Variants in RYR1 observed in about 807,000 individuals in gnomAD.
RYR1 encodes ryanodine receptor 1.
In RYR1, 342 loss-of-function variants were observed where a neutral mutation model predicts 583.5. The ratio of observed to expected loss-of-function variants is 0.59; its 90% CI spans 0.54 to 0.64. The LOEUF (loss-of-function observed/expected upper bound fraction) is 0.64. RYR1 is among the 30% of genes least tolerant of loss of function. RYR1 has a pLI of 0.00. For missense variants in RYR1, 6,032 were observed against 6,917.2 expected (o/e 0.87, Z 4.54); for synonymous variants, 2,791 against 2,822.5 (o/e 0.99, Z 0.35).
intron 66 of RYR1, 79 bp from the exon 67 acceptor site, chr19:38,519,135 T>G (rs1349825128): frequency 1.9e-6 from 3 of 1,610,440 alleles, no homozygotes; most frequent in African/African-American, 2.7e-5. Flanking sequence ...AGATGCTGTT[T>G]GGGAGTCGGG....
chr19:38,565,663 G>A lies in RYR1; in HGVS notation c.13329G>A (p.Gly4443=), dbSNP rs1013631358. 1.1e-5 allele frequency: 15 copies of A among 1,391,282 alleles called. No homozygotes were observed. Among genetic ancestry groups the A allele is most frequent in the Admixed American group, 3.6e-5 (1 of 27,792 alleles). The allele number at this position is 1,391,282 out of a possible 1,614,324, so 86.2% of individuals were successfully genotyped here. A position where few individuals can be genotyped will look rare whatever the true frequency, so the allele number is the denominator to read the frequency against. The change falls in exon 91 of 106, where the codon GGG becomes GGA. Residue 4443 remains glycine, a synonymous_variant. Transcript: ENST00000359596. The surrounding 1 kb of genome is among the most constrained non-coding windows in gnomAD (Gnocchi z 4.7). ...GADGAVAVTD[G]GPFRPEGAGG... Reference sequence around the variant, plus strand: ...ACGGGGCGGTGGCCGTGACCGATGGGGGCCCCTTCCGGCCCGAAGGGGCTG... The same window carrying A: ...ACGGGGCGGTGGCCGTGACCGATGGAGGCCCCTTCCGGCCCGAAGGGGCTG...
In RYR1 at chr19:38,585,102, C is replaced by T. The variant is rs1202804699; in HGVS notation, c.14803+3C>T. The T allele has an allele frequency of 4.3e-6, 7 of 1,613,554 alleles. No individual in the cohort carries two copies. The Admixed American group carries it at 1.2e-4, about 27-fold the overall frequency. On this transcript the variant is annotated splice_donor_region_variant and intron_variant, in intron 102 of 105. Coordinates refer to ENST00000359596, the MANE Select transcript of RYR1 (RefSeq NM_000540.3). Reference sequence around the variant, plus strand: ...CATCCTGTTGGCCATCATCCAGGGTCAGTGCTGGGAGTGGGCGCTCAGGGC... The same window carrying T: ...CATCCTGTTGGCCATCATCCAGGGTTAGTGCTGGGAGTGGGCGCTCAGGGC...
chr19:38,451,160 G>T (rs2145371260), intron 11 of RYR1, among the ~76,000 whole-genome samples: 1 of 152,368 alleles, frequency 6.6e-6, no homozygotes, highest in Middle Eastern at 3.4e-3. Flanking sequence ...GCACTCGTTT[G>T]CAAAAACAGG....
chr19:38,435,124 C>T (rs1305248603), intron 1 of RYR1, among the ~76,000 whole-genome samples: 2 of 152,234 alleles, frequency 1.3e-5, no homozygotes, highest in Non-Finnish European at 2.9e-5. Flanking sequence ...GTGCCCTGGG[C>T]CTCTGCCTCC....
Position 38,567,769 on chromosome 19 carries a change from G to A in RYR1, c.13515-4G>A. ...TCCTGACCTCTCTCTGTCCTGCCCT[G>A]CAGTGCCGAGAATGGGGAGAAGGAA... is the stretch of plus-strand genomic sequence containing the variant. On this transcript the variant is annotated splice_polypyrimidine_tract_variant and splice_region_variant and intron_variant, in intron 92 of 105. Transcript: ENST00000359596. The A allele has an allele frequency of 6.2e-7, 1 of 1,614,120 alleles. No individual in the cohort carries two copies. The highest frequency in any genetic ancestry group is 1.3e-5 in the African/African-American group (1 of 75,032).
chr19:38,508,920 A>C (rs1970601473), intron 58 of RYR1, among the ~76,000 whole-genome samples: 1 of 152,156 alleles, frequency 6.6e-6, no homozygotes, highest in Admixed American at 6.5e-5. Context: ...GGAGCCGAAA[A>C]GGGTGAGAAC....
intron 36 of RYR1, 98 bp downstream of exon 36, chr19:38,490,374 T>C: frequency 8.2e-7 from 1 of 1,217,242 alleles, no homozygotes; most frequent in Non-Finnish European, 1.2e-6. Flanking sequence ...TCTAAACCCG[T>C]GCTTGACCCC....
At chr19:38,511,521 C>T (rs369272141) in intron 60 of RYR1, 40 bp from the exon 61 acceptor site, 7 of 1,610,838 alleles carry the variant, frequency 4.3e-6, no homozygotes, top group African/African-American at 2.7e-5. Context: ...CCTCCTCACT[C>T]GCTGTTTCTC....
chr19:38,559,807 G>A (rs770711929), intron 89 of RYR1, among the ~76,000 whole-genome samples: 4 of 152,120 alleles, frequency 2.6e-5, no homozygotes, highest in Non-Finnish European at 4.4e-5. Flanking sequence ...GTTGCTACCC[G>A]TCTGGAGGTA....
intron 81 of RYR1, 51 bp downstream of exon 81, chr19:38,535,443 A>C: frequency 7.5e-7 from 1 of 1,338,640 alleles, no homozygotes; most frequent in Non-Finnish European, 1.1e-6. Context: ...TGCCACTGCC[A>C]CCCCACTCCT....
intron 39 of RYR1, among the ~76,000 whole-genome samples, chr19:38,495,844 C>G (rs1207116145): frequency 2.0e-5 from 3 of 152,134 alleles, no homozygotes; most frequent in Non-Finnish European, 2.9e-5. Context: ...CTCACTGCAA[C>G]CTCCGCATAC....
rs1969990012 is a variant in RYR1 at position 38,499,331 on chromosome 19, A to G, written c.7027+88A>G. The G allele has an allele frequency of 1.3e-6, 2 of 1,590,740 alleles. No individual in the cohort carries two copies. The highest frequency in any genetic ancestry group is 1.3e-5 in the African/African-American group (1 of 74,478). Reference sequence around the variant, plus strand: ...GAGATGACTGCTCGCACCCTGAGCCACAGATGGGGTCCAGGCAGGAATCCC... The same window carrying G: ...GAGATGACTGCTCGCACCCTGAGCCGCAGATGGGGTCCAGGCAGGAATCCC... On this transcript the variant is annotated intron_variant, in intron 43 of 105. Transcript: ENST00000359596. The surrounding 1 kb of genome is among the most constrained non-coding windows in gnomAD (Gnocchi z 7.3).
At position 38,481,153 on chromosome 19, in the gene RYR1, G is replaced by T. The variant is rs185025995; in HGVS notation, c.4621-1874G>T. On this transcript the variant is annotated intron_variant, in intron 31 of 105. Transcript: ENST00000359596. ...ATTTATTTTAATTTATTAAGACAGG[G>T]TCTCATTCTGTCACCCAGGCTGGTG... Among the ~76,000 whole-genome samples the T allele has an allele frequency of 8.4e-3, 1,282 of 152,162 alleles. 16 individuals are homozygous for T. Among genetic ancestry groups the T allele is most frequent in the Non-Finnish European group, 0.015 (1,035 of 68,000 alleles).
intron 76 of RYR1, among the ~76,000 whole-genome samples, chr19:38,530,876 C>G (rs575588193): frequency 3.3e-5 from 5 of 151,980 alleles, no homozygotes; most frequent in African/African-American, 1.2e-4. Context: ...AATCTCGGCT[C>G]GCTGCAATCT....
chr19:38,573,934 C>A (rs1310331792), intron 96 of RYR1, among the ~76,000 whole-genome samples: 2 of 151,878 alleles, frequency 1.3e-5, no homozygotes, highest in Non-Finnish European at 2.9e-5. Flanking sequence ...TACTCAGGTG[C>A]AATGAGTGCA....
chr19:38,501,757 G>A (rs1970131959), intron 47 of RYR1, among the ~76,000 whole-genome samples: 1 of 152,300 alleles, frequency 6.6e-6, no homozygotes, highest in African/African-American at 2.4e-5. Context: ...GCCGAGGCGG[G>A]TGGGTTGCTT....
intron 25 of RYR1, 75 bp from the exon 26 acceptor site, chr19:38,468,891 T>G (rs1423217110): frequency 2.7e-6 from 4 of 1,494,006 alleles, no homozygotes; most frequent in Non-Finnish European, 3.7e-6. Flanking sequence ...CATATATCTC[T>G]CCCTCCCTGC....
intron 39 of RYR1, 53 bp downstream of exon 39, chr19:38,494,678 C>T: frequency 6.2e-7 from 1 of 1,602,418 alleles, no homozygotes; most frequent in Non-Finnish European, 8.5e-7. Context: ...GTAATGAATA[C>T]CCTCAGGATA....
chr19:38,448,374 C>T lies in RYR1; in HGVS notation c.820C>T (p.Arg274Cys), dbSNP rs770370125. The change falls in exon 10 of 106, where the codon CGC becomes TGC. Residue 274 changes from arginine (R) to cysteine (C), a missense_variant. By Grantham distance (180) the Arg-to-Cys change is radical (BLOSUM62 -3). Coordinates refer to ENST00000359596, the MANE Select transcript of RYR1 (RefSeq NM_000540.3). ...LRISWSGSHL[R>C]WGQPLRVRHV... ...CCACAGCTGGAGTGGGAGCCACCTGCGCTGGGGCCAGCCACTCCGAGTCCG... is the reference window on the plus strand; with the variant it reads ...CCACAGCTGGAGTGGGAGCCACCTGTGCTGGGGCCAGCCACTCCGAGTCCG... 10 of 1,610,034 alleles carry T rather than the reference C, an allele frequency of 6.2e-6. No homozygotes were observed. The highest frequency in any genetic ancestry group is 1.7e-5 in the Admixed American group (1 of 59,998).
Sources: allele counts gnomAD v4.1 joint callset (sites outside exome capture counted in the v4.1 genomes callset), GRCh38; gene constraint gnomAD v4.1.1; non-coding constraint Gnocchi (gnomAD v3.1); transcripts MANE v1.5; gene names NCBI Gene and HGNC (gene_info 2026-07-23, HGNC 2026-07-21).